Variants in DIP2C observed in about 807,000 individuals in gnomAD.
The protein encoded by DIP2C is disco-interacting protein 2 homolog C.
Under a neutral mutation model 192.4 loss-of-function variants are expected in DIP2C, and 33 were observed. That is an observed-to-expected ratio of 0.17 (90% CI 0.13 to 0.23). DIP2C has a LOEUF of 0.23. Among genes scored for constraint, DIP2C ranks in the 10% least tolerant of loss-of-function variants. The pLI is 1.00. For missense variants in DIP2C, 1,537 were observed against 2,110.1 expected, an observed-to-expected ratio of 0.73 and a Z score of 5.32; for synonymous variants, 979 against 864.1, an observed-to-expected ratio of 1.13 and a Z score of -2.33.
chr10:349,823 C>T (rs1958703946), intron 24 of DIP2C, among the ~76,000 whole-genome samples: 3 of 152,128 alleles, frequency 2.0e-5, no homozygotes, highest in Non-Finnish European at 4.4e-5. Context: ...AGTGGGAATT[C>T]CTAGTACACC....
intron 1 of DIP2C, chr10:650,525 TCCC>T: frequency 1.5e-6 from 1 of 679,104 alleles, no homozygotes; most frequent in East Asian, 2.7e-5. Context: ...CCCCAGCTGG[TCCC>T]CCCATGACAG....
Position 384,072 on chromosome 10 carries a change from G to C in DIP2C, c.1831C>G (p.Leu611Val), listed in dbSNP as rs1962636160. 1.2e-6 allele frequency: 2 copies of C among 1,611,774 alleles called. No homozygotes were observed. The highest frequency in any genetic ancestry group is 1.7e-6 in the Non-Finnish European group (2 of 1,179,374). Residue 611 changes from leucine to valine, a missense_variant, in exon 16 of 37, where the codon CTC becomes GTC. Coordinates refer to ENST00000280886, the MANE Select transcript of DIP2C (RefSeq NM_014974.3). ...VAHRDQRDINLSSLRMLIVAD... is the reference protein window; with the variant it reads ...VAHRDQRDINVSSLRMLIVAD... ...ACTATCAGCATTCGCAGAGAGGAGA[G>C]GTTGATGTCTCTCTGATCTCTGTGT...
At chr10:366,222 CT>C in intron 19 of DIP2C, 52 bp downstream of exon 19, 2 of 1,599,218 alleles carry the variant, frequency 1.3e-6, no homozygotes, top group South Asian at 2.3e-5. Flanking sequence ...GGCAAGGGCT[CT>C]TTGGAGACGG....
At chr10:419,555 G>A (rs547051602) in intron 5 of DIP2C, among the ~76,000 whole-genome samples, 38 of 152,308 alleles carry the variant, frequency 2.5e-4, no homozygotes, top group Admixed American at 2.1e-3. Context: ...CACAGTCGAC[G>A]CAGCCAAAGG....
At chr10:462,772 T>C (rs1334897643) in intron 3 of DIP2C, among the ~76,000 whole-genome samples, 1 of 152,172 alleles carries the variant, frequency 6.6e-6, no homozygotes, top group Non-Finnish European at 1.5e-5. Flanking sequence ...GTGAAAATCC[T>C]CAATAAAATG....
rs57610105 is a variant in DIP2C at position 593,498 on chromosome 10, C to T, written c.85+95996G>A. Among the ~76,000 whole-genome samples, 45 of 119,016 alleles carry T rather than the reference C, an allele frequency of 3.8e-4. 1 individual carries two copies. The highest frequency in any genetic ancestry group is 6.8e-4 in the Non-Finnish European group (38 of 55,644). The allele number at this position is 119,016 out of a possible 152,430, so 78.1% of individuals were successfully genotyped here. Reference sequence around the variant, plus strand: ...TGCCCACGCGGGACCCCCCCCCCCCCACCCTTTCTGGAGAAATCAGCTGGC... The same window carrying T: ...TGCCCACGCGGGACCCCCCCCCCCCTACCCTTTCTGGAGAAATCAGCTGGC... On this transcript the variant is annotated intron_variant, in intron 1 of 36. Transcript: ENST00000280886.
chr10:302,765 C>G (rs1249269639), intron 32 of DIP2C, among the ~76,000 whole-genome samples: 3 of 152,140 alleles, frequency 2.0e-5, no homozygotes, highest in African/African-American at 7.2e-5. Flanking sequence ...AGAAAAGGCA[C>G]AGTAAAACAT....
chr10:411,983 A>G (rs1965218290), intron 8 of DIP2C, among the ~76,000 whole-genome samples: 1 of 152,250 alleles, frequency 6.6e-6, no homozygotes. Flanking sequence ...TACAACATAT[A>G]GATGATTAAA....
At chr10:454,489 C>T (rs1204948541) in intron 3 of DIP2C, among the ~76,000 whole-genome samples, 1 of 151,716 alleles carries the variant, frequency 6.6e-6, no homozygotes, top group Non-Finnish European at 1.5e-5. Context: ...GTCATTATTG[C>T]AATGAGATAT....
At chr10:500,496 G>A (rs992430002) in intron 1 of DIP2C, among the ~76,000 whole-genome samples, 2 of 152,224 alleles carry the variant, frequency 1.3e-5, no homozygotes, top group Non-Finnish European at 2.9e-5. Flanking sequence ...ATTTCCAAAT[G>A]CCATAGAAAT....
In DIP2C at chr10:415,815, TGGTCGTTTC is replaced by T. The variant is rs867178381; in HGVS notation, c.804_812del (p.Lys269_Pro271del). 1.2e-6 allele frequency: 2 copies of T among 1,613,924 alleles called. No individual in the cohort carries two copies. Among genetic ancestry groups the T allele is most frequent in the East Asian group, 2.2e-5 (1 of 44,862 alleles). ...CATCGACAAAGAATTCTCGTAAAGGTGGTCGTTTCGGTCGTTTGAGGGTATTGACAAGCT... is the reference window on the plus strand; with the variant it reads ...CATCGACAAAGAATTCTCGTAAAGGTGGTCGTTTGAGGGTATTGACAAGCT... On this transcript the variant is annotated inframe_deletion, in exon 7 of 37. Coordinates refer to ENST00000280886, the MANE Select transcript of DIP2C (RefSeq NM_014974.3).
intron 1 of DIP2C, among the ~76,000 whole-genome samples, chr10:543,163 G>GC (rs1316625673): frequency 1.3e-5 from 2 of 152,204 alleles, no homozygotes; most frequent in African/African-American, 4.8e-5. Flanking sequence ...ACCAGTCTTC[G>GC]CAAGGATCGT....
At chr10:591,316 G>T (rs1851391886) in intron 1 of DIP2C, among the ~76,000 whole-genome samples, 1 of 152,012 alleles carries the variant, frequency 6.6e-6, no homozygotes, top group African/African-American at 2.4e-5. Flanking sequence ...GTAGAGACAG[G>T]GTTTCACCAT....
Position 419,151 on chromosome 10 carries a change from G to A in DIP2C, c.653C>T (p.Ser218Leu), listed in dbSNP as rs763285278. Residue 218 changes from serine to leucine, a missense_variant, in exon 6 of 37, where the codon TCG (serine) becomes TTG (leucine). Ser to Leu is a moderately radical substitution (Grantham distance 145). This residue lies in a region of DIP2C where 473 missense variants were observed against 539.6 expected (regional missense o/e 0.88). Transcript: ENST00000280886. Reference sequence around the variant, plus strand: ...ACCCTGCGGTCTCTCCACCTGTATCGAGTGCTCTGAGGTGTACGTGGTTAC... The same window carrying A: ...ACCCTGCGGTCTCTCCACCTGTATCAAGTGCTCTGAGGTGTACGTGGTTAC... ...PDVTTYTSEHSIQVERPQGST... is the reference protein window; with the variant it reads ...PDVTTYTSEHLIQVERPQGST... 5.4e-5 allele frequency: 87 copies of A among 1,614,116 alleles called. No homozygotes were observed. The highest frequency in any genetic ancestry group is 6.7e-5 in the Non-Finnish European group (79 of 1,180,052).
chr10:454,309 A>AACC (rs1183569241), intron 3 of DIP2C, among the ~76,000 whole-genome samples: 7 of 141,242 alleles, frequency 5.0e-5, no homozygotes, highest in African/African-American at 2.3e-4. Flanking sequence ...AGTGTTAGAT[A>AACC]AATTGGTTAA....
intron 8 of DIP2C, 40 bp from the exon 9 acceptor site, chr10:409,057 A>G (rs764469974): frequency 6.3e-7 from 1 of 1,599,576 alleles, no homozygotes; most frequent in South Asian, 1.1e-5. Flanking sequence ...GTATTAAACC[A>G]TACGGAGAGC....
At chr10:594,511 C>T (rs778222621) in intron 1 of DIP2C, among the ~76,000 whole-genome samples, 27 of 152,058 alleles carry the variant, frequency 1.8e-4, no homozygotes, top group Non-Finnish European at 2.6e-4. Flanking sequence ...ACCATTTCAA[C>T]GTAAGGGAAC....
chr10:590,180 G>A (rs905408710), intron 1 of DIP2C, among the ~76,000 whole-genome samples: 2 of 152,222 alleles, frequency 1.3e-5, no homozygotes, highest in African/African-American at 2.4e-5. Flanking sequence ...CCACCACTGA[G>A]CCTCTGCGTC....
intron 1 of DIP2C, among the ~76,000 whole-genome samples, chr10:597,295 T>C (rs1379149495): frequency 6.6e-6 from 1 of 152,206 alleles, no homozygotes; most frequent in Non-Finnish European, 1.5e-5. Flanking sequence ...TTGCAGGCAG[T>C]GGGTCCTGGG....
Sources: allele counts gnomAD v4.1 joint callset (sites outside exome capture counted in the v4.1 genomes callset), GRCh38; gene constraint gnomAD v4.1.1; regional missense constraint gnomAD v4.1.1; transcripts MANE v1.5; gene names NCBI Gene and HGNC (gene_info 2026-07-23, HGNC 2026-07-21).